The following BARD1 variants were observed in gnomAD, a reference collection of about 807,000 sequenced individuals.
The protein encoded by BARD1 is BRCA1-associated RING domain protein 1.
In BARD1, 73 loss-of-function variants were observed where a neutral mutation model predicts 77.0. The observed-to-expected ratio is 0.95, with a 90% CI of 0.79 to 1.15. The LOEUF is 1.15. BARD1 is among the 50% of genes most tolerant of loss of function. The pLI is 0.00. For missense variants in BARD1, 993 were observed against 938.8 expected, an observed-to-expected ratio of 1.06 and a Z score of -0.75; for synonymous variants, 384 against 338.0, an observed-to-expected ratio of 1.14 and a Z score of -1.49.
chr2:214,784,526 G>C (rs1574827433), intron 3 of BARD1, among the ~76,000 whole-genome samples: 1 of 152,028 alleles, frequency 6.6e-6, no homozygotes, highest in Non-Finnish European at 1.5e-5. Flanking sequence ...CTCATTACTG[G>C]GTATATACCC....
chr2:214,770,077 T>C (rs1436980546), intron 4 of BARD1, among the ~76,000 whole-genome samples: 2 of 152,196 alleles, frequency 1.3e-5, no homozygotes, highest in African/African-American at 4.8e-5. Flanking sequence ...AGTTACTCCA[T>C]CCTAATACAT....
intron 6 of BARD1, among the ~76,000 whole-genome samples, chr2:214,756,700 C>T (rs1693710240): frequency 6.6e-6 from 1 of 152,090 alleles, no homozygotes; most frequent in African/African-American, 2.4e-5. Context: ...GGACTGGAGA[C>T]TATTATTCTA....
At chr2:214,756,073 T>G (rs944833426) in intron 6 of BARD1, among the ~76,000 whole-genome samples, 1 of 152,198 alleles carries the variant, frequency 6.6e-6, no homozygotes, top group African/African-American at 2.4e-5. Flanking sequence ...CCTATACTGA[T>G]AAGGTTTCTA....
chr2:214,755,788 TAC>T (rs1693667081), intron 6 of BARD1, among the ~76,000 whole-genome samples: 1 of 152,186 alleles, frequency 6.6e-6, no homozygotes, highest in Non-Finnish European at 1.5e-5. Context: ...CAATGAACAT[TAC>T]AGACACAAAG....
chr2:214,763,954 A>G (rs879796321), intron 6 of BARD1, among the ~76,000 whole-genome samples: 6 of 152,220 alleles, frequency 3.9e-5, no homozygotes, highest in Non-Finnish European at 7.3e-5. Flanking sequence ...ACATTGAGAC[A>G]GCATGCACTT....
At chr2:214,743,539 C>T (rs571637196) in intron 9 of BARD1, among the ~76,000 whole-genome samples, 1 of 152,268 alleles carries the variant, frequency 6.6e-6, no homozygotes, top group East Asian at 1.9e-4. Context: ...ATAATACCAA[C>T]AAATTGAGTT....
rs1559393077 is a variant in BARD1 at position 214,751,139 on chromosome 2, A to T, written c.1677+1308T>A. 5.8e-4 allele frequency among the ~76,000 whole-genome samples: 11 copies of T among 19,112 alleles called. 1 individual carries two copies. Among genetic ancestry groups the T allele is most frequent in the African/African-American group, 7.0e-4 (6 of 8,628 alleles). 12.5% of individuals were successfully genotyped at this position (19,112 alleles called of 152,430 possible). ...TGTGTATATATATATATATATATAT[A>T]TATATATATATATTTTTTTTTTTTT... On this transcript the variant is annotated intron_variant, in intron 7 of 10. Coordinates refer to ENST00000260947, the MANE Select transcript of BARD1 (RefSeq NM_000465.4).
chr2:214,790,958 CA>C (rs1426471090), intron 3 of BARD1, among the ~76,000 whole-genome samples: 2 of 152,152 alleles, frequency 1.3e-5, no homozygotes, highest in Non-Finnish European at 2.9e-5. Context: ...GATCACACAC[CA>C]ATCTCTTTTA....
rs1216846753 is a variant in BARD1, at chr2:214,778,406, A to G, written c.1314+2154T>C. Among the ~76,000 whole-genome samples, 5 of 152,114 alleles carry G rather than the reference A, an allele frequency of 3.3e-5. No homozygotes were observed. In the East Asian group the frequency reaches 9.6e-4, roughly 29 times the overall value. On this transcript the variant is annotated intron_variant, in intron 4 of 10. Coordinates refer to ENST00000260947, the MANE Select transcript of BARD1 (RefSeq NM_000465.4). The stretch of plus-strand genomic sequence containing the variant: ...AAATGTACCATAACATAATCTGACA[A>G]CTGGTGACAATAATTGCATTTAATA...
chr2:214,808,005 T>G (rs746638211), intron 1 of BARD1, among the ~76,000 whole-genome samples: 1 of 152,274 alleles, frequency 6.6e-6, no homozygotes, highest in African/African-American at 2.4e-5. Context: ...CTCACTTATC[T>G]GAGTGTCACT....
chr2:214,749,873 CT>C (rs1239196271), intron 7 of BARD1, among the ~76,000 whole-genome samples: 1 of 151,344 alleles, frequency 6.6e-6, no homozygotes, highest in East Asian at 1.9e-4. Context: ...GAAAATTAAA[CT>C]GCTGATTTCT....
intron 1 of BARD1, among the ~76,000 whole-genome samples, chr2:214,808,884 T>C (rs747764024): frequency 6.6e-6 from 1 of 152,178 alleles, no homozygotes; most frequent in Non-Finnish European, 1.5e-5. Flanking sequence ...ACAACTATGG[T>C]AGATATCCGA....
intron 4 of BARD1, among the ~76,000 whole-genome samples, chr2:214,775,227 C>T (rs80027032): frequency 0.052 from 7,940 of 152,140 alleles, 229 homozygotes; most frequent in Admixed American, 0.083. Flanking sequence ...ACATGCCTTC[C>T]TCACTCATCA....
chr2:214,745,780 C>T lies in BARD1; in HGVS notation c.1752G>A (p.Met584Ile), dbSNP rs876658230. The T allele has an allele frequency of 6.2e-7, 1 of 1,614,040 alleles. No homozygotes were observed. The highest frequency in any genetic ancestry group is 1.7e-4 in the Middle Eastern group (1 of 6,060). The change falls in exon 8 of 11, where the codon ATG becomes ATA. Residue 584 changes from methionine (M) to isoleucine (I), a missense_variant. Physicochemically the swap from Met to Ile is conservative, Grantham distance 10. Transcript: ENST00000260947. ...TAAGAATTACTGCAAGCTCACTGAG[C>T]ATTTTCTGTTGTTCTGAAGACAGCC... ...GSGLSSEQQK[M>I]LSELAVILKA...
chr2:214,781,606 T>C (rs765807639), intron 3 of BARD1, 97 bp from the exon 4 acceptor site: 2 of 914,924 alleles, frequency 2.2e-6, no homozygotes, highest in African/African-American at 1.7e-5. Flanking sequence ...CTAAAGTGTA[T>C]CATCTTTTAA....
At chr2:214,804,900 C>A (rs1022945968) in intron 1 of BARD1, among the ~76,000 whole-genome samples, 31 of 152,190 alleles carry the variant, frequency 2.0e-4, no homozygotes, top group South Asian at 1.2e-3. Flanking sequence ...TGGTGGCTCA[C>A]GCCTGTAATC....
At chr2:214,747,859 T>C in intron 7 of BARD1, among the ~76,000 whole-genome samples, 1 of 149,596 alleles carries the variant, frequency 6.7e-6, no homozygotes, top group African/African-American at 2.4e-5. Context: ...AGTATAATAA[T>C]AATAAAATAA....
chr2:214,767,595 T>C lies in BARD1; in HGVS notation c.1455A>G (p.Ala485=), dbSNP rs1553619298. 6.2e-7 allele frequency: 1 copy of C among 1,614,094 alleles called. No homozygotes were observed. The highest frequency in any genetic ancestry group is 8.5e-7 in the Non-Finnish European group (1 of 1,179,976). The part of the protein sequence containing the change: ...KVVELLLQHK[A]LVNTTGYQND... The stretch of plus-strand genomic sequence containing the variant: ...TTTGATACCCGGTGGTGTTCACCAA[T>C]GCCTTATGCTGGAGCAATAATTCCA... Residue 485 remains alanine, a synonymous_variant, in exon 6 of 11, where the codon GCA becomes GCG. Coordinates refer to ENST00000260947, the MANE Select transcript of BARD1 (RefSeq NM_000465.4).
chr2:214,754,820 T>C (rs1321378940), intron 6 of BARD1, among the ~76,000 whole-genome samples: 1 of 152,202 alleles, frequency 6.6e-6, no homozygotes, highest in Admixed American at 6.5e-5. Context: ...TTACAAGTGC[T>C]ACAGATGGAA....
Sources: allele counts gnomAD v4.1 joint callset (sites outside exome capture counted in the v4.1 genomes callset), GRCh38; gene constraint gnomAD v4.1.1; transcripts MANE v1.5; gene names NCBI Gene and HGNC (gene_info 2026-07-23, HGNC 2026-07-21).